Variants in DRC9 observed in about 807,000 individuals in gnomAD.
The protein encoded by DRC9 is dynein regulatory complex protein 9.
At chr3:197,898,331 A>T in the DRC9 span, among the ~76,000 whole-genome samples, 3 of 152,262 alleles carry the variant, frequency 2.0e-5, no homozygotes, top group African/African-American at 7.2e-5. Flanking sequence ...TGTAAATTAC[A>T]GCCAAATAGT....
At chr3:197,954,234 T>C in the DRC9 span, 7 of 1,398,234 alleles carry the variant, frequency 5.0e-6, no homozygotes, top group East Asian at 1.6e-4. Flanking sequence ...ACTTCTGTGG[T>C]TGTGAAATTG....
At chr3:197,910,152 T>C in the DRC9 span, among the ~76,000 whole-genome samples, 1 of 152,170 alleles carries the variant, frequency 6.6e-6, no homozygotes, top group African/African-American at 2.4e-5. Context: ...TCTGAAATTG[T>C]AGCTGGACGT....
At chr3:197,957,101 G>A in the DRC9 span, 1 of 152,220 alleles carries the variant, frequency 6.6e-6, no homozygotes, top group Non-Finnish European at 1.5e-5. Context: ...GGTAGGAAAA[G>A]CACACTGGCT....
the DRC9 span, among the ~76,000 whole-genome samples, chr3:197,919,762 C>T: frequency 2.0e-5 from 3 of 152,098 alleles, no homozygotes; most frequent in Non-Finnish European, 4.4e-5. Context: ...AGTACTGGTT[C>T]CTGGAAGTTT....
chr3:197,915,827 C>A, the DRC9 span, among the ~76,000 whole-genome samples: 1 of 152,104 alleles, frequency 6.6e-6, no homozygotes, highest in South Asian at 2.1e-4. Context: ...TGGGGTTTCT[C>A]TACATTGGTC....
the DRC9 span, chr3:197,938,827 TACA>T: frequency 5.9e-6 from 8 of 1,361,330 alleles, no homozygotes; most frequent in South Asian, 3.6e-5. Context: ...AAAGAGACAA[TACA>T]ACAAGAAAGA....
At chr3:197,940,464 C>T in the DRC9 span, among the ~76,000 whole-genome samples, 7 of 152,144 alleles carry the variant, frequency 4.6e-5, no homozygotes, top group South Asian at 1.2e-3. Flanking sequence ...GGCAGAACCA[C>T]GTATATTAAT....
chr3:197,921,703 C>T, the DRC9 span, among the ~76,000 whole-genome samples: 1 of 150,820 alleles, frequency 6.6e-6, no homozygotes, highest in East Asian at 2.0e-4. Flanking sequence ...TTTTCAGTAA[C>T]TCTGGGGATT....
the DRC9 span, among the ~76,000 whole-genome samples, chr3:197,910,928 C>T: frequency 2.2e-3 from 336 of 150,378 alleles, no homozygotes; most frequent in African/African-American, 6.3e-3. Flanking sequence ...GCCAAGATCA[C>T]GCCACTGCAC....
chr3:197,912,848 C>A, the DRC9 span: 1 of 926,162 alleles, frequency 1.1e-6, no homozygotes, highest in South Asian at 1.4e-5. Context: ...CTGAGGCTCC[C>A]TTTACCAGCT....
At chr3:197,932,116 A>G in the DRC9 span, 4 of 1,548,134 alleles carry the variant, frequency 2.6e-6, no homozygotes, top group Non-Finnish European at 3.5e-6. Flanking sequence ...GATTTCCAGT[A>G]AGAGTGTTTT....
the DRC9 span, among the ~76,000 whole-genome samples, chr3:197,900,589 C>T: frequency 6.6e-6 from 1 of 150,870 alleles, no homozygotes; most frequent in African/African-American, 2.5e-5. The surrounding 1 kb of genome is among the most constrained non-coding windows in gnomAD (Gnocchi z 4.7). Flanking sequence ...ACCAGCTCAG[C>T]CACAGCAGAA....
At chr3:197,910,438 A>G in the DRC9 span, among the ~76,000 whole-genome samples, 1 of 152,362 alleles carries the variant, frequency 6.6e-6, no homozygotes, top group South Asian at 2.1e-4. Context: ...CCTGCCAGGT[A>G]TCTCACACTT....
the DRC9 span, among the ~76,000 whole-genome samples, chr3:197,909,598 A>G: frequency 6.6e-6 from 1 of 152,252 alleles, no homozygotes; most frequent in African/African-American, 2.4e-5. Flanking sequence ...TATTCTATCA[A>G]TCAGCTGTAC....
chr3:197,917,351 T>C, the DRC9 span, among the ~76,000 whole-genome samples: 7 of 152,206 alleles, frequency 4.6e-5, no homozygotes, highest in Non-Finnish European at 1.0e-4. Flanking sequence ...AACGGAATTC[T>C]TCAAGTTATT....
the DRC9 span, among the ~76,000 whole-genome samples, chr3:197,910,386 C>T: frequency 1.3e-5 from 2 of 152,192 alleles, no homozygotes; most frequent in East Asian, 3.8e-4. Context: ...GTCATCCCTT[C>T]GTGATCCATT....
the DRC9 span, chr3:197,955,913 CAG>C: frequency 1.4e-6 from 1 of 729,760 alleles, no homozygotes; most frequent in South Asian, 1.5e-5. Context: ...ACAAGGGGGT[CAG>C]AGAGACATGT....
the DRC9 span, chr3:197,938,553 A>C: frequency 6.2e-7 from 1 of 1,608,256 alleles, no homozygotes; most frequent in African/African-American, 1.3e-5. Context: ...CTTACCTATC[A>C]ATCTGAATTT....
the DRC9 span, chr3:197,889,613 T>C: frequency 6.2e-7 from 1 of 1,614,182 alleles, no homozygotes; most frequent in East Asian, 2.2e-5. Context: ...TATCCTTGCC[T>C]TTACCTTTGC....
Sources: gnomAD v4.1 joint callset for allele counts (sites outside exome capture counted in the v4.1 genomes callset) on GRCh38, gnomAD v4.1.1 for gene constraint, Gnocchi (gnomAD v3.1) non-coding constraint, MANE v1.5 for transcripts, NCBI Gene and HGNC (gene_info 2026-07-23, HGNC 2026-07-21) for gene names.